The following CSMD2 variants were observed in gnomAD, a reference collection of about 807,000 sequenced individuals.
CSMD2 encodes CUB and sushi domain-containing protein 2.
In CSMD2, 130 loss-of-function variants were observed where a neutral mutation model predicts 398.5. That is an observed-to-expected ratio of 0.33 (90% CI 0.28 to 0.38). The LOEUF (loss-of-function observed/expected upper bound fraction) is 0.38. Among genes scored for constraint, CSMD2 ranks in the 10% least tolerant of loss-of-function variants. The pLI is 1.00. For synonymous variants in CSMD2, 1,828 were observed against 1,908.5 expected, an observed-to-expected ratio of 0.96 and a Z score of 1.10; for missense variants, 3,829 against 4,764.9, an observed-to-expected ratio of 0.80 and a Z score of 5.78.
At chr1:33,666,715 G>T (rs942186488) in intron 25 of CSMD2, among the ~76,000 whole-genome samples, 1 of 152,104 alleles carries the variant, frequency 6.6e-6, no homozygotes, top group African/African-American at 2.4e-5. Flanking sequence ...TTTGAAAAGA[G>T]GAGAAGGAGA....
intron 11 of CSMD2, among the ~76,000 whole-genome samples, chr1:33,790,849 T>TATCTATC (rs1654218018): frequency 6.8e-6 from 1 of 147,290 alleles, no homozygotes; most frequent in Admixed American, 6.8e-5. Context: ...ATCTATCATC[T>TATCTATC]ATCTATCTAT....
chr1:34,123,355 G>A (rs1662391453), intron 1 of CSMD2, among the ~76,000 whole-genome samples: 1 of 152,150 alleles, frequency 6.6e-6, no homozygotes, highest in Non-Finnish European at 1.5e-5. Flanking sequence ...AGGTTTGTGT[G>A]CCCAGGGAGG....
At chr1:33,620,322 G>A (rs1450876889) in intron 37 of CSMD2, among the ~76,000 whole-genome samples, 1 of 152,088 alleles carries the variant, frequency 6.6e-6, no homozygotes, top group African/African-American at 2.4e-5. Context: ...TGAGCTCTTT[G>A]TAGATTATCC....
At position 33,518,826 on chromosome 1, in the gene CSMD2, T is replaced by TTATTTA. The variant is rs1236495630; in HGVS notation, c.*53+633_*53+638dup. Among the ~76,000 whole-genome samples the TTATTTA allele has an allele frequency of 1.3e-5, 2 of 152,110 alleles. No homozygotes were observed. The highest frequency in any genetic ancestry group is 4.8e-5 in the African/African-American group (2 of 41,404). ...TGAATCTCTCTCTCTAAATATATAT[T>TTATTTA]TATTTATATTTCTATCTCTATATAA... On this transcript the variant is annotated intron_variant, in intron 70 of 70. Transcript: ENST00000373381. This position sits in a 1 kb window ranked among gnomAD's most constrained non-coding sequence, Gnocchi z 4.3.
intron 1 of CSMD2, among the ~76,000 whole-genome samples, chr1:34,104,717 A>G (rs1660354031): frequency 6.6e-6 from 1 of 152,214 alleles, no homozygotes; most frequent in Admixed American, 6.5e-5. Flanking sequence ...CTGGCCCATC[A>G]CTATGCATGC....
intron 5 of CSMD2, among the ~76,000 whole-genome samples, chr1:33,855,507 C>T (rs1639020730): frequency 6.6e-6 from 1 of 152,164 alleles, no homozygotes; most frequent in Non-Finnish European, 1.5e-5. Context: ...ACTTCTGTTG[C>T]TGCCTCCCCA....
At chr1:33,741,136 G>A (rs992948009) in intron 14 of CSMD2, among the ~76,000 whole-genome samples, 2 of 152,086 alleles carry the variant, frequency 1.3e-5, no homozygotes, top group Admixed American at 1.3e-4. Flanking sequence ...CCTTGTTACC[G>A]GGAGTTCTAG....
intron 3 of CSMD2, among the ~76,000 whole-genome samples, chr1:34,028,120 A>C (rs1013664438): frequency 6.6e-6 from 1 of 152,080 alleles, no homozygotes; most frequent in Non-Finnish European, 1.5e-5. Flanking sequence ...GGAATTCGAG[A>C]CCAGCCTGGG....
chr1:33,906,657 G>A (rs1233280961), intron 5 of CSMD2, among the ~76,000 whole-genome samples: 1 of 152,148 alleles, frequency 6.6e-6, no homozygotes, highest in Non-Finnish European at 1.5e-5. Flanking sequence ...TGATTTTATG[G>A]GTCAATTATG....
intron 19 of CSMD2, 54 bp from the exon 20 acceptor site, chr1:33,716,555 C>A: frequency 8.5e-7 from 1 of 1,172,576 alleles, no homozygotes; most frequent in Non-Finnish European, 1.2e-6. Context: ...TGGAGAACCT[C>A]AGCTGCAAGA....
intron 5 of CSMD2, among the ~76,000 whole-genome samples, chr1:33,908,171 G>A (rs1207848960): frequency 6.6e-6 from 1 of 152,104 alleles, no homozygotes; most frequent in Non-Finnish European, 1.5e-5. Context: ...TCAGTCTTGG[G>A]AACCTGGGAA....
At chr1:33,672,099 C>G (rs1309314498) in intron 25 of CSMD2, among the ~76,000 whole-genome samples, 1 of 152,174 alleles carries the variant, frequency 6.6e-6, no homozygotes, top group East Asian at 1.9e-4. Flanking sequence ...AACTGAGGTA[C>G]CGGGTTCATC....
At chr1:33,941,006 T>C (rs1053907915) in intron 3 of CSMD2, among the ~76,000 whole-genome samples, 5 of 152,040 alleles carry the variant, frequency 3.3e-5, no homozygotes, top group Non-Finnish European at 7.4e-5. Flanking sequence ...TTTTAGAATG[T>C]CCGTGTATTT....
chr1:33,962,977 G>C (rs1427683193), intron 3 of CSMD2, among the ~76,000 whole-genome samples: 3 of 152,178 alleles, frequency 2.0e-5, no homozygotes, highest in Admixed American at 2.0e-4. Context: ...GCAATGTCTG[G>C]TACGTAGTTG....
In CSMD2 at chr1:34,103,500, G is replaced by A. The variant is rs142210494; in HGVS notation, c.188-14307C>T. 2.7e-3 allele frequency among the ~76,000 whole-genome samples: 406 copies of A among 151,934 alleles called. 1 individual carries two copies. Among genetic ancestry groups the A allele is most frequent in the African/African-American group, 7.6e-3 (315 of 41,422 alleles). On this transcript the variant is annotated intron_variant, in intron 1 of 70. Transcript: ENST00000373381. ...TTTTTAGTAGAGACGGGGTTTCACC[G>A]TGTTAGCCAGGATGGTCTTGATCTG...
At chr1:34,157,136 T>C (rs1298540001) in intron 1 of CSMD2, among the ~76,000 whole-genome samples, 1 of 152,198 alleles carries the variant, frequency 6.6e-6, no homozygotes, top group Admixed American at 6.5e-5. Flanking sequence ...CCCTGAAGAA[T>C]GATCCCTTAT....
intron 1 of CSMD2, among the ~76,000 whole-genome samples, chr1:34,157,133 G>C (rs557565857): frequency 1.3e-5 from 2 of 152,300 alleles, no homozygotes; most frequent in African/African-American, 4.8e-5. Context: ...TCTCCCTGAA[G>C]AATGATCCCT....
chr1:33,555,537 C>T (rs748545454), intron 55 of CSMD2, among the ~76,000 whole-genome samples: 6 of 152,114 alleles, frequency 3.9e-5, no homozygotes, highest in Non-Finnish European at 7.3e-5. Context: ...CAGCAGCATA[C>T]GCTACAGAGA....
intron 2 of CSMD2, among the ~76,000 whole-genome samples, chr1:34,080,089 A>G (rs1338475191): frequency 6.6e-6 from 1 of 151,664 alleles, no homozygotes; most frequent in Non-Finnish European, 1.5e-5. Context: ...TCTGAAAGAA[A>G]AAAAGAGTGT....
Sources: allele counts gnomAD v4.1 joint callset (sites outside exome capture counted in the v4.1 genomes callset), GRCh38; gene constraint gnomAD v4.1.1; non-coding constraint Gnocchi (gnomAD v3.1); transcripts MANE v1.5; gene names NCBI Gene and HGNC (gene_info 2026-07-23, HGNC 2026-07-21).